PCDHGA7: variants seen among roughly 807,000 people sequenced by gnomAD.
PCDHGA7 encodes protocadherin gamma-A7.
In PCDHGA7, 44 loss-of-function variants were observed where a neutral mutation model predicts 58.3. The ratio of observed to expected loss-of-function variants is 0.75; its 90% CI spans 0.59 to 0.97. The LOEUF (loss-of-function observed/expected upper bound fraction) is 0.97, where lower values mean the gene tolerates loss of function less well. Among genes scored for constraint, PCDHGA7 ranks in the 50% least tolerant of loss-of-function variants. The pLI, the probability that PCDHGA7 is intolerant of heterozygous loss-of-function variation, is 0.00. For missense variants in PCDHGA7, 1,266 were observed against 1,188.7 expected, an observed-to-expected ratio of 1.06 and a Z score of -0.96; for synonymous variants, 516 against 504.2, an observed-to-expected ratio of 1.02 and a Z score of -0.31.
chr5:141,491,291 C>T lies in PCDHGA7; in HGVS notation c.2425-3516C>T. 1 of 1,614,152 alleles carries T rather than the reference C, an allele frequency of 6.2e-7. No homozygotes were observed. The highest frequency in any genetic ancestry group is 8.5e-7 in the Non-Finnish European group (1 of 1,179,974). On this transcript the variant is annotated intron_variant, in intron 1 of 3. Coordinates refer to ENST00000518325, the MANE Select transcript of PCDHGA7 (RefSeq NM_018920.4). This position sits in a 1 kb window ranked among gnomAD's most constrained non-coding sequence, Gnocchi z 6.9. The stretch of plus-strand genomic sequence containing the variant: ...AAATCCAGTGACTTCCTCATACACC[C>T]TCCTGAGCGTTCAGACCTTACCCTT...
intron 1 of PCDHGA7, chr5:141,415,423 G>A: frequency 1.2e-6 from 2 of 1,614,204 alleles, no homozygotes; most frequent in Non-Finnish European, 1.7e-6. Context: ...CGTGGACGGG[G>A]TTCGGGCTTT....
In PCDHGA7 at chr5:141,383,563, C is replaced by G. The variant is rs779788206; in HGVS notation, c.664C>G (p.Arg222Gly). 1.5e-5 allele frequency: 25 copies of G among 1,613,034 alleles called. No individual in the cohort carries two copies. Among genetic ancestry groups the G allele is most frequent in the East Asian group, 2.2e-5 (1 of 44,862 alleles). Residue 222 changes from arginine (R) to glycine (G), a missense_variant, in exon 1 of 4, where the codon CGA (arginine) becomes GGA (glycine). Coordinates refer to ENST00000518325, the MANE Select transcript of PCDHGA7 (RefSeq NM_018920.4). Reference sequence around the variant, plus strand: ...AGCCTCTGATGGCGGCGACCCGCCCCGATCCAGCACCGCCCACATCCAGGT... The same window carrying G: ...AGCCTCTGATGGCGGCGACCCGCCCGGATCCAGCACCGCCCACATCCAGGT... ...LTASDGGDPP[R>G]SSTAHIQVTV...
intron 1 of PCDHGA7, chr5:141,403,951 G>C: frequency 6.2e-7 from 1 of 1,613,882 alleles, no homozygotes. Flanking sequence ...GGACAAAAGT[G>C]CTCATTTCGG....
chr5:141,464,402 G>GAT (rs1039725208), intron 1 of PCDHGA7, among the ~76,000 whole-genome samples: 22 of 150,720 alleles, frequency 1.5e-4, no homozygotes, highest in Admixed American at 7.3e-4. Context: ...AAGAACCTGA[G>GAT]ATATATATAT....
chr5:141,419,137 C>G, intron 1 of PCDHGA7: 2 of 1,613,892 alleles, frequency 1.2e-6, no homozygotes, highest in Non-Finnish European at 1.7e-6. Context: ...CAGCCACAGA[C>G]AGGGGCAAGC....
intron 1 of PCDHGA7, chr5:141,387,764 A>T: frequency 7.0e-7 from 1 of 1,430,464 alleles, no homozygotes; most frequent in Non-Finnish European, 9.3e-7. Context: ...AAAAAGAAGA[A>T]TTTTTTCTTG....
intron 3 of PCDHGA7, among the ~76,000 whole-genome samples, chr5:141,509,338 C>T (rs2099876319): frequency 6.6e-6 from 1 of 152,188 alleles, no homozygotes; most frequent in Admixed American, 6.5e-5. Flanking sequence ...CCAGCTGGGC[C>T]TGGGCTGGCC....
chr5:141,413,889 T>C (rs1394681178), intron 1 of PCDHGA7: 4 of 1,613,392 alleles, frequency 2.5e-6, no homozygotes, highest in Non-Finnish European at 3.4e-6. Flanking sequence ...CTGTCTTCGA[T>C]GCAAATGACA....
chr5:141,390,016 T>G (rs768656280), intron 1 of PCDHGA7: 2 of 1,613,978 alleles, frequency 1.2e-6, no homozygotes, highest in East Asian at 4.5e-5. Context: ...GCCATTGCCT[T>G]GCGCCTGCGA....
At chr5:141,413,267 GA>G in intron 1 of PCDHGA7, 1 of 1,613,960 alleles carries the variant, frequency 6.2e-7, no homozygotes, top group Non-Finnish European at 8.5e-7. Flanking sequence ...TGGGAGGCTG[GA>G]GCCCGGCAGA....
intron 1 of PCDHGA7, among the ~76,000 whole-genome samples, chr5:141,474,405 GT>G (rs2099348889): frequency 6.6e-6 from 1 of 152,196 alleles, no homozygotes; most frequent in African/African-American, 2.4e-5. Flanking sequence ...AAGCTCCCCG[GT>G]GATGCCTAGA....
At chr5:141,409,626 G>A (rs776642148) in intron 1 of PCDHGA7, 13 of 1,613,760 alleles carry the variant, frequency 8.1e-6, no homozygotes, top group Non-Finnish European at 5.1e-6. Flanking sequence ...GCGCAAGTGA[G>A]CGCCTCTGAC....
chr5:141,475,388 G>C (rs1230010845), intron 1 of PCDHGA7, among the ~76,000 whole-genome samples: 8 of 152,170 alleles, frequency 5.3e-5, no homozygotes, highest in Non-Finnish European at 1.0e-4. Flanking sequence ...AATTTTATAA[G>C]CCAGAGTTAA....
At position 141,431,391 on chromosome 5, in the gene PCDHGA7, T is replaced by C; in HGVS notation, c.2424+46068T>C. Reference sequence around the variant, plus strand: ...GAAGAAAAGGCTGCTCACCACCTGGTCCTTACGGCCTCCGACGGGGGCGAC... The same window carrying C: ...GAAGAAAAGGCTGCTCACCACCTGGCCCTTACGGCCTCCGACGGGGGCGAC... On this transcript the variant is annotated intron_variant, in intron 1 of 3. Transcript: ENST00000518325. The surrounding 1 kb of genome is among the most constrained non-coding windows in gnomAD (Gnocchi z 4.8). 1 of 1,613,852 alleles carries C rather than the reference T, an allele frequency of 6.2e-7. No homozygotes were observed.
At position 141,418,595 on chromosome 5, in the gene PCDHGA7, G is replaced by A. The variant is rs1331897624; in HGVS notation, c.2424+33272G>A. The A allele has an allele frequency of 2.5e-6, 4 of 1,613,928 alleles. No individual in the cohort carries two copies. Among genetic ancestry groups the A allele is most frequent in the Admixed American group, 3.3e-5 (2 of 60,006 alleles). On this transcript the variant is annotated intron_variant, in intron 1 of 3. Transcript: ENST00000518325. ...CAACCCCCCAGTGTTCAGCCAGGAC[G>A]TGTACAGGGTTAGCCTTCGGGAAGA...
chr5:141,469,517 G>A (rs1416478511), intron 1 of PCDHGA7, among the ~76,000 whole-genome samples: 1 of 152,198 alleles, frequency 6.6e-6, no homozygotes, highest in Non-Finnish European at 1.5e-5. Flanking sequence ...GGAGGTTGCA[G>A]TGAGCCAAGA....
chr5:141,409,200 T>C, intron 1 of PCDHGA7: 2 of 1,614,020 alleles, frequency 1.2e-6, no homozygotes, highest in Non-Finnish European at 1.7e-6. Flanking sequence ...CAGTGTAAAG[T>C]AATCATAGAA....
At chr5:141,410,851 T>A in intron 1 of PCDHGA7, 3 of 207,068 alleles carry the variant, frequency 1.4e-5, no homozygotes, top group Non-Finnish European at 1.7e-5. Flanking sequence ...GTCTTTGTCT[T>A]TTTTTTTTTT....
intron 1 of PCDHGA7, among the ~76,000 whole-genome samples, chr5:141,464,436 TTTG>T (rs1043492514): frequency 1.1e-4 from 17 of 151,396 alleles, no homozygotes; most frequent in Non-Finnish European, 1.9e-4. Flanking sequence ...GATATATATG[TTTG>T]TTGTTGTTGT....
Sources: gnomAD v4.1 joint callset for allele counts (sites outside exome capture counted in the v4.1 genomes callset) on GRCh38, gnomAD v4.1.1 for gene constraint, Gnocchi (gnomAD v3.1) non-coding constraint, MANE v1.5 for transcripts, NCBI Gene and HGNC (gene_info 2026-07-23, HGNC 2026-07-21) for gene names.